Variants in RFX4 observed in about 807,000 individuals in gnomAD.
RFX4 encodes transcription factor RFX4.
Under a neutral mutation model 95.0 loss-of-function variants are expected in RFX4, and 10 were observed. That is an observed-to-expected ratio of 0.11 (90% CI 0.06 to 0.18). The LOEUF (loss-of-function observed/expected upper bound fraction) is 0.18, where lower values mean the gene tolerates loss of function less well. RFX4 is among the 10% of genes least tolerant of loss of function. The pLI, the probability that RFX4 is intolerant of heterozygous loss-of-function variation, is 1.00. For synonymous variants in RFX4, 321 were observed against 340.7 expected (o/e 0.94, Z 0.64); for missense variants, 640 against 922.0 (o/e 0.69, Z 3.96).
chr12:106,716,251 AG>A (rs1008907348), intron 11 of RFX4, among the ~76,000 whole-genome samples: 3 of 152,074 alleles, frequency 2.0e-5, no homozygotes, highest in African/African-American at 7.2e-5. Context: ...AGGCGTCTAC[AG>A]GCTACCTCCA....
intron 1 of RFX4, among the ~76,000 whole-genome samples, chr12:106,600,634 GCTT>G (rs2039688314): frequency 2.0e-5 from 3 of 152,132 alleles, no homozygotes; most frequent in Non-Finnish European, 2.9e-5. Context: ...TCCTCCAATA[GCTT>G]CTTAGCGCAC....
At chr12:106,655,795 A>G (rs937766096) in intron 4 of RFX4, among the ~76,000 whole-genome samples, 5 of 152,208 alleles carry the variant, frequency 3.3e-5, no homozygotes, top group Non-Finnish European at 5.9e-5. Context: ...AGATGATGTC[A>G]GTGGATGATG....
chr12:106,641,368 A>T (rs954596244), intron 3 of RFX4, among the ~76,000 whole-genome samples: 1 of 152,186 alleles, frequency 6.6e-6, no homozygotes, highest in African/African-American at 2.4e-5. Flanking sequence ...TGTCTAGCTC[A>T]TAGGGTAGTC....
intron 3 of RFX4, among the ~76,000 whole-genome samples, chr12:106,647,632 C>T (rs1160159362): frequency 1.3e-5 from 2 of 152,096 alleles, no homozygotes; most frequent in Admixed American, 6.6e-5. Flanking sequence ...GGACACAGTG[C>T]TAGGAACTAT....
intron 2 of RFX4, among the ~76,000 whole-genome samples, chr12:106,619,966 C>A (rs758270892): frequency 6.6e-6 from 1 of 152,050 alleles, no homozygotes; most frequent in Non-Finnish European, 1.5e-5. Context: ...TGATATTCTC[C>A]ATTTTTTCTT....
intron 7 of RFX4, among the ~76,000 whole-genome samples, chr12:106,692,855 C>CT (rs1200036039): frequency 6.6e-6 from 1 of 152,166 alleles, no homozygotes; most frequent in Non-Finnish European, 1.5e-5. Flanking sequence ...ACATCATTAT[C>CT]TTCATTTTAC....
intron 11 of RFX4, among the ~76,000 whole-genome samples, chr12:106,716,609 G>A (rs1459580141): frequency 6.6e-6 from 1 of 151,986 alleles, no homozygotes; most frequent in Non-Finnish European, 1.5e-5. Context: ...CCTTCCCCAG[G>A]GCTTCTTTCC....
intron 1 of RFX4, among the ~76,000 whole-genome samples, chr12:106,606,738 A>G (rs946768938): frequency 1.3e-5 from 2 of 152,084 alleles, no homozygotes; most frequent in East Asian, 3.9e-4. Flanking sequence ...TTTTCCCCCT[A>G]CTTATTCACA....
chr12:106,752,448 GT>G (rs1228670974), intron 17 of RFX4, among the ~76,000 whole-genome samples: 3 of 149,596 alleles, frequency 2.0e-5, no homozygotes, highest in East Asian at 2.0e-4. Flanking sequence ...TCGCTAAACA[GT>G]TTTTTTTTTC....
chr12:106,620,435 G>T (rs1371840662), intron 2 of RFX4, among the ~76,000 whole-genome samples: 1 of 152,098 alleles, frequency 6.6e-6, no homozygotes, highest in Non-Finnish European at 1.5e-5. Flanking sequence ...TTTATTAAGG[G>T]TTTCAAAAGG....
At chr12:106,754,623 G>A (rs1161644524) in intron 17 of RFX4, among the ~76,000 whole-genome samples, 2 of 152,170 alleles carry the variant, frequency 1.3e-5, no homozygotes, top group African/African-American at 4.8e-5. Flanking sequence ...AGAAGCCAAG[G>A]TCTCCTCAAG....
At chr12:106,677,412 G>A (rs944742724) in intron 4 of RFX4, among the ~76,000 whole-genome samples, 1 of 152,138 alleles carries the variant, frequency 6.6e-6, no homozygotes, top group Admixed American at 6.5e-5. Context: ...TTCAGGCTGG[G>A]CAGCTGGGTG....
chr12:106,683,924 A>G (rs1403995757), intron 5 of RFX4, among the ~76,000 whole-genome samples: 2 of 152,138 alleles, frequency 1.3e-5, no homozygotes, highest in Non-Finnish European at 2.9e-5. Context: ...ATTCTGTATA[A>G]TCAATTTTAT....
chr12:106,689,401 T>C (rs751877520), intron 7 of RFX4, 37 bp downstream of exon 7: 1 of 1,523,092 alleles, frequency 6.6e-7, no homozygotes, highest in Non-Finnish European at 9.1e-7. Flanking sequence ...ATACTCGGTA[T>C]TAAAAATCTT....
chr12:106,687,210 A>T (rs1311999893), intron 6 of RFX4, 113 bp downstream of exon 6: 7 of 769,948 alleles, frequency 9.1e-6, no homozygotes, highest in Non-Finnish European at 1.5e-5. Flanking sequence ...ACACACACAC[A>T]CACACACACA....
At chr12:106,721,556 T>G (rs1327392509) in intron 13 of RFX4, among the ~76,000 whole-genome samples, 4 of 152,192 alleles carry the variant, frequency 2.6e-5, no homozygotes, top group Non-Finnish European at 5.9e-5. Flanking sequence ...TAGGACAGTT[T>G]TCTACTTTTC....
chr12:106,610,237 C>CAAAAA (rs398044781), intron 2 of RFX4, among the ~76,000 whole-genome samples: 20 of 77,408 alleles, frequency 2.6e-4, no homozygotes, highest in East Asian at 5.8e-4. Context: ...GACTCCATCT[C>CAAAAA]AAAAAAAAAA....
At chr12:106,653,717 T>G (rs2040900066) in intron 3 of RFX4, among the ~76,000 whole-genome samples, 1 of 152,236 alleles carries the variant, frequency 6.6e-6, no homozygotes, top group African/African-American at 2.4e-5. Flanking sequence ...CAGATCAGTG[T>G]CTGTACAGCT....
At chr12:106,689,452 A>G (rs1267400206) in intron 7 of RFX4, 88 bp downstream of exon 7, 6 of 1,080,230 alleles carry the variant, frequency 5.6e-6, no homozygotes, top group Non-Finnish European at 8.6e-6. Flanking sequence ...GCTAGGTGCC[A>G]GGCCTGGCAT....
Sources: gnomAD v4.1 joint callset for allele counts (sites outside exome capture counted in the v4.1 genomes callset) on GRCh38, gnomAD v4.1.1 for gene constraint, MANE v1.5 for transcripts, NCBI Gene and HGNC (gene_info 2026-07-23, HGNC 2026-07-21) for gene names.